The following CHD6 variants were observed in gnomAD, a reference collection of about 807,000 sequenced individuals.
CHD6 encodes ATP-dependent chromatin remodeler CHD6.
In CHD6, 50 loss-of-function variants were observed where a neutral mutation model predicts 276.9. The observed-to-expected ratio is 0.18, with a 90% CI of 0.14 to 0.23. CHD6 has a LOEUF of 0.23. Among genes scored for constraint, CHD6 ranks in the 10% least tolerant of loss-of-function variants. CHD6 has a pLI of 1.00. For synonymous variants in CHD6, 1,173 were observed against 1,229.3 expected, an observed-to-expected ratio of 0.95 and a Z score of 0.96; for missense variants, 2,564 against 3,365.8, an observed-to-expected ratio of 0.76 and a Z score of 5.89.
chr20:41,464,665 ACATCTGT>A (rs1464173265), intron 17 of CHD6, among the ~76,000 whole-genome samples: 1 of 152,240 alleles, frequency 6.6e-6, no homozygotes. Context: ...AAGTATGCAT[ACATCTGT>A]TTCCTAGCTC....
chr20:41,451,566 TG>T (rs1459429528), intron 22 of CHD6, among the ~76,000 whole-genome samples: 3 of 152,290 alleles, frequency 2.0e-5, no homozygotes, highest in Non-Finnish European at 4.4e-5. Context: ...AGGGGGAGTC[TG>T]TGTGAGACTC....
intron 1 of CHD6, among the ~76,000 whole-genome samples, chr20:41,578,871 A>G (rs1260904898): frequency 2.0e-5 from 3 of 150,922 alleles, no homozygotes; most frequent in Non-Finnish European, 3.0e-5. Context: ...TAGAAAGAAA[A>G]AAAAAAAATC....
At chr20:41,464,125 A>C (rs1397037361) in intron 17 of CHD6, among the ~76,000 whole-genome samples, 3 of 152,228 alleles carry the variant, frequency 2.0e-5, no homozygotes, top group Non-Finnish European at 4.4e-5. Flanking sequence ...AAATGAAATT[A>C]TATAGAAATA....
chr20:41,589,041 TG>T (rs1470664258), intron 1 of CHD6, among the ~76,000 whole-genome samples: 2 of 152,160 alleles, frequency 1.3e-5, no homozygotes, highest in African/African-American at 4.8e-5. Context: ...GCTTCATCCC[TG>T]GGATGCAAGG....
chr20:41,611,004 T>C (rs888015774), intron 1 of CHD6, among the ~76,000 whole-genome samples: 3 of 152,150 alleles, frequency 2.0e-5, no homozygotes, highest in Admixed American at 6.5e-5. Context: ...ATGTTAGTAA[T>C]AGACAGGAAG....
intron 27 of CHD6, among the ~76,000 whole-genome samples, chr20:41,430,604 G>C (rs1341949237): frequency 6.6e-6 from 1 of 152,206 alleles, no homozygotes; most frequent in Non-Finnish European, 1.5e-5. Flanking sequence ...TAGTGGTTGT[G>C]AGAATTTGGT....
intron 11 of CHD6, 41 bp downstream of exon 11, chr20:41,491,657 A>G: frequency 6.2e-7 from 1 of 1,612,520 alleles, no homozygotes; most frequent in Non-Finnish European, 8.5e-7. Flanking sequence ...GCAATAATAT[A>G]CCTCTGGGTA....
chr20:41,506,564 T>C (rs2043981666), intron 5 of CHD6, among the ~76,000 whole-genome samples: 1 of 152,196 alleles, frequency 6.6e-6, no homozygotes, highest in Non-Finnish European at 1.5e-5. Context: ...CACCCTGAAT[T>C]CCATATCACC....
At chr20:41,440,599 T>C (rs2047870984) in intron 25 of CHD6, among the ~76,000 whole-genome samples, 1 of 152,236 alleles carries the variant, frequency 6.6e-6, no homozygotes, top group Admixed American at 6.5e-5. Context: ...GACAGACCTG[T>C]GGCCTCTGTA....
intron 1 of CHD6, among the ~76,000 whole-genome samples, chr20:41,585,179 C>T (rs936413650): frequency 1.3e-5 from 2 of 152,134 alleles, no homozygotes; most frequent in Non-Finnish European, 2.9e-5. Context: ...AATAACTCCA[C>T]AAAAGTGAAA....
At chr20:41,477,913 A>G (rs2043202265) in intron 16 of CHD6, among the ~76,000 whole-genome samples, 1 of 152,200 alleles carries the variant, frequency 6.6e-6, no homozygotes, top group African/African-American at 2.4e-5. Context: ...AAAGATCTTG[A>G]TCCTCTCTAC....
intron 1 of CHD6, among the ~76,000 whole-genome samples, chr20:41,610,905 G>A (rs1228143714): frequency 6.6e-6 from 1 of 152,122 alleles, no homozygotes; most frequent in East Asian, 1.9e-4. Context: ...GAGAACAGGA[G>A]AACTACAGTG....
At position 41,551,541 on chromosome 20, in the gene CHD6, C is replaced by A. The variant is rs550615593; in HGVS notation, c.-23-181G>T. Among the ~76,000 whole-genome samples the A allele has an allele frequency of 5.9e-5, 9 of 152,266 alleles. No homozygotes were observed. The South Asian group carries it at 1.7e-3, about 28-fold the overall frequency. On this transcript the variant is annotated intron_variant, in intron 1 of 36. Transcript: ENST00000373233. Reference sequence around the variant, plus strand: ...CCTAATTAGATCTAACTCTGTTAGACCCTAATTTATTGCACCCAATAAAAT... The same window carrying A: ...CCTAATTAGATCTAACTCTGTTAGAACCTAATTTATTGCACCCAATAAAAT...
At chr20:41,502,592 T>C (rs1233169334) in intron 5 of CHD6, among the ~76,000 whole-genome samples, 1 of 152,262 alleles carries the variant, frequency 6.6e-6, no homozygotes, top group African/African-American at 2.4e-5. Flanking sequence ...TTCTTTTTCA[T>C]GACTGTCTCA....
At chr20:41,546,147 A>G (rs1003420480) in intron 2 of CHD6, among the ~76,000 whole-genome samples, 2 of 124,460 alleles carry the variant, frequency 1.6e-5, no homozygotes, top group Non-Finnish European at 3.1e-5. Flanking sequence ...ATTAATGCTG[A>G]AAAACTCAAC....
intron 17 of CHD6, among the ~76,000 whole-genome samples, chr20:41,470,369 G>T (rs1402952439): frequency 6.6e-6 from 1 of 151,418 alleles, no homozygotes. Context: ...AAAAAAAAAG[G>T]ATGATTCCTT....
chr20:41,595,627 C>A (rs1424280527), intron 1 of CHD6, among the ~76,000 whole-genome samples: 1 of 152,084 alleles, frequency 6.6e-6, no homozygotes, highest in East Asian at 1.9e-4. Context: ...CCAAGCAGGA[C>A]AGGAAATATA....
chr20:41,487,742 T>G lies in CHD6; in HGVS notation c.1924A>C (p.Asn642His). ...GGAAACTGTGATGGCTCCAGAAAAT[T>G]TAACAAACTGAAGAGCTCCTCCACA... ...NSVEELFSLLNFLEPSQFPSE... is the reference protein window; with the variant it reads ...NSVEELFSLLHFLEPSQFPSE... Residue 642 changes from asparagine to histidine, a missense_variant, in exon 14 of 37, where the codon AAT becomes CAT. Around this residue, in one of 7 missense-constraint regions of CHD6, gnomAD observed 457 missense variants for 889.0 expected, o/e 0.51. Transcript: ENST00000373233. 6.2e-7 allele frequency: 1 copy of G among 1,611,914 alleles called. No individual in the cohort carries two copies. Among genetic ancestry groups the G allele is most frequent in the Non-Finnish European group, 8.5e-7 (1 of 1,179,458 alleles).
chr20:41,558,201 T>C (rs1343841585), intron 1 of CHD6, among the ~76,000 whole-genome samples: 3 of 152,170 alleles, frequency 2.0e-5, no homozygotes, highest in African/African-American at 7.2e-5. Flanking sequence ...CCTTTCTCTA[T>C]TGCCAGGTGT....
Sources: gnomAD v4.1 joint callset for allele counts (sites outside exome capture counted in the v4.1 genomes callset) on GRCh38, gnomAD v4.1.1 for gene constraint, gnomAD v4.1.1 regional missense constraint, MANE v1.5 for transcripts, NCBI Gene and HGNC (gene_info 2026-07-23, HGNC 2026-07-21) for gene names.